The following PTPRD variants were observed in gnomAD, a reference collection of about 807,000 sequenced individuals.
PTPRD encodes the protein receptor-type tyrosine-protein phosphatase delta.
A neutral mutation model predicts 214.5 loss-of-function variants in PTPRD; 34 were observed. The observed-to-expected ratio is 0.16, with a 90% CI of 0.12 to 0.21. The LOEUF is 0.21. Among genes scored for constraint, PTPRD ranks in the 10% least tolerant of loss-of-function variants. PTPRD has a pLI of 1.00. For synonymous variants in PTPRD, 1,128 were observed against 845.7 expected, an observed-to-expected ratio of 1.33 and a Z score of -5.79; for missense variants, 2,545 against 2,398.7, an observed-to-expected ratio of 1.06 and a Z score of -1.27.
intron 36 of PTPRD, among the ~76,000 whole-genome samples, chr9:8,399,297 G>T (rs1339602393): frequency 6.6e-6 from 1 of 152,158 alleles, no homozygotes; most frequent in East Asian, 1.9e-4. Flanking sequence ...CTAAACTGGA[G>T]AATGGGCTTG....
intron 36 of PTPRD, among the ~76,000 whole-genome samples, chr9:8,392,238 A>C (rs1313623914): frequency 6.6e-6 from 1 of 151,970 alleles, no homozygotes; most frequent in Non-Finnish European, 1.5e-5. Context: ...TAAAAATAAA[A>C]AATTAGGCTG....
At chr9:8,827,300 T>TGAAATTA (rs2097195611) in intron 11 of PTPRD, among the ~76,000 whole-genome samples, 1 of 109,324 alleles carries the variant, frequency 9.1e-6, no homozygotes, top group South Asian at 2.8e-4. Context: ...TCAATCTATT[T>TGAAATTA]GTTATTGAAA....
chr9:8,733,173 G>A (rs2098678810), intron 12 of PTPRD, among the ~76,000 whole-genome samples: 2 of 152,128 alleles, frequency 1.3e-5, no homozygotes. Flanking sequence ...CATAAATTGA[G>A]TCCAGTAATC....
intron 11 of PTPRD, among the ~76,000 whole-genome samples, chr9:8,981,182 T>A (rs967066068): frequency 6.6e-6 from 1 of 151,994 alleles, no homozygotes; most frequent in African/African-American, 2.4e-5. Context: ...TGTTCTTCAA[T>A]GAAAACACAT....
At chr9:9,747,993 A>T (rs1323494437) in intron 6 of PTPRD, among the ~76,000 whole-genome samples, 1 of 152,176 alleles carries the variant, frequency 6.6e-6, no homozygotes, top group East Asian at 1.9e-4. Flanking sequence ...AGCTTATGAC[A>T]GAAGAATTAG....
intron 2 of PTPRD, among the ~76,000 whole-genome samples, chr9:10,581,833 A>T (rs934928525): frequency 6.6e-6 from 1 of 152,218 alleles, no homozygotes; most frequent in African/African-American, 2.4e-5. Context: ...CTCCACAGAC[A>T]GATGCTTTAA....
intron 7 of PTPRD, among the ~76,000 whole-genome samples, chr9:9,645,702 A>T (rs1452797876): frequency 6.6e-6 from 1 of 151,206 alleles, no homozygotes; most frequent in Non-Finnish European, 1.5e-5. Flanking sequence ...TTCTTATTTC[A>T]CTTCTTCCCA....
intron 11 of PTPRD, among the ~76,000 whole-genome samples, chr9:8,750,096 T>C (rs542744868): frequency 1.3e-5 from 2 of 149,650 alleles, no homozygotes; most frequent in Non-Finnish European, 2.9e-5. Context: ...CATGAGACTC[T>C]GTCTCAAAAA....
intron 10 of PTPRD, among the ~76,000 whole-genome samples, chr9:9,166,151 T>C (rs1316589181): frequency 6.6e-6 from 1 of 152,062 alleles, no homozygotes; most frequent in Non-Finnish European, 1.5e-5. Context: ...TTTTTTTTTT[T>C]TTTTTAAGTT....
Position 8,492,871 on chromosome 9 carries a change from T to C in PTPRD, c.2458A>G (p.Thr820Ala). Residue 820 changes from threonine (T) to alanine (A), a missense_variant, in exon 27 of 46, where the codon ACT becomes GCT. Physicochemically the swap from Thr to Ala is moderately conservative, Grantham distance 58 (BLOSUM62 0). Coordinates refer to ENST00000381196, the MANE Select transcript of PTPRD (RefSeq NM_002839.4). ...GCACAGACATGATTACCTGCCCCAG[T>C]GGTGGACACCAGTTTGGGCTTGCTG... ...ARSKPKLVST[T>A]GAVPGKPRLV... 1 of 1,613,008 alleles carries C rather than the reference T, an allele frequency of 6.2e-7. No homozygotes were observed. Among genetic ancestry groups the C allele is most frequent in the Non-Finnish European group, 8.5e-7 (1 of 1,179,050 alleles).
intron 9 of PTPRD, among the ~76,000 whole-genome samples, chr9:9,247,249 G>C (rs2099973464): frequency 6.6e-6 from 1 of 152,024 alleles, no homozygotes; most frequent in Non-Finnish European, 1.5e-5. Flanking sequence ...AGGTCAAGAA[G>C]AACCTGCACA....
intron 14 of PTPRD, among the ~76,000 whole-genome samples, chr9:8,568,436 C>T (rs1165059043): frequency 2.0e-5 from 3 of 152,136 alleles, no homozygotes; most frequent in Non-Finnish European, 4.4e-5. Flanking sequence ...ATTCCTATTA[C>T]TCCTAAATCA....
At chr9:10,070,551 T>A (rs2097984933) in intron 3 of PTPRD, among the ~76,000 whole-genome samples, 1 of 151,968 alleles carries the variant, frequency 6.6e-6, no homozygotes, top group African/African-American at 2.4e-5. Context: ...CATGCATAAA[T>A]TAACAACATT....
chr9:9,981,238 C>T (rs916517304), intron 4 of PTPRD, among the ~76,000 whole-genome samples: 4 of 152,004 alleles, frequency 2.6e-5, no homozygotes, highest in Admixed American at 6.6e-5. Context: ...AGTGAACATA[C>T]ACAGTCAGAT....
Position 9,044,722 on chromosome 9 carries a change from T to C in PTPRD, c.-142-25987A>G, listed in dbSNP as rs141337574. On this transcript the variant is annotated intron_variant, in intron 10 of 45. Coordinates refer to ENST00000381196, the MANE Select transcript of PTPRD (RefSeq NM_002839.4). The stretch of plus-strand genomic sequence containing the variant: ...AGTCATTTTCTGCTTAAGGAGAATA[T>C]GCAGTAATTACCCTTTAAACATTTT... Among the ~76,000 whole-genome samples the C allele has an allele frequency of 6.8e-4, 104 of 152,336 alleles. 1 individual carries two copies. The East Asian group carries it at 8.3e-3, about 12-fold the overall frequency.
intron 7 of PTPRD, among the ~76,000 whole-genome samples, chr9:9,686,656 A>C (rs1384909912): frequency 6.6e-6 from 1 of 151,694 alleles, no homozygotes; most frequent in Non-Finnish European, 1.5e-5. Flanking sequence ...CAATTTATCA[A>C]ATTCTACCCT....
chr9:9,009,717 T>C (rs1005799450), intron 11 of PTPRD, among the ~76,000 whole-genome samples: 71 of 152,084 alleles, frequency 4.7e-4, no homozygotes, highest in Admixed American at 4.7e-3. Context: ...TTTCATTCTG[T>C]GATGTATGTG....
intron 7 of PTPRD, among the ~76,000 whole-genome samples, chr9:9,663,467 A>G (rs2096657430): frequency 6.6e-6 from 1 of 151,502 alleles, no homozygotes; most frequent in Non-Finnish European, 1.5e-5. Flanking sequence ...TGGTAGAAAA[A>G]AATTATCCAC....
rs201505839 is a variant in PTPRD at position 9,091,208 on chromosome 9, C to T, written c.-142-72473G>A. Reference sequence around the variant, plus strand: ...ACACCCCCACCCCGATTTAGACCTGCGGGTGCTGCCCCACGTCCCCCACCA... The same window carrying T: ...ACACCCCCACCCCGATTTAGACCTGTGGGTGCTGCCCCACGTCCCCCACCA... On this transcript the variant is annotated intron_variant, in intron 10 of 45. Coordinates refer to ENST00000381196, the MANE Select transcript of PTPRD (RefSeq NM_002839.4). 8.5e-4 allele frequency: 1,246 copies of T among 1,465,652 alleles called. 15 individuals carry two copies. The highest frequency in any genetic ancestry group is 1.4e-3 in the East Asian group (61 of 44,250). The allele number at this position is 1,465,652 out of a possible 1,614,324, so 90.8% of individuals were successfully genotyped here.
Sources: allele counts gnomAD v4.1 joint callset (sites outside exome capture counted in the v4.1 genomes callset), GRCh38; gene constraint gnomAD v4.1.1; transcripts MANE v1.5; gene names NCBI Gene and HGNC (gene_info 2026-07-23, HGNC 2026-07-21).